The following USP45 variants were observed in gnomAD, a reference collection of about 807,000 sequenced individuals.
The protein encoded by USP45 is ubiquitin specific peptidase 45, also known as ubiquitin carboxyl-terminal hydrolase 45.
A neutral mutation model predicts 95.8 loss-of-function variants in USP45; 89 were observed. That is an observed-to-expected ratio of 0.93 (90% CI 0.78 to 1.11). The LOEUF (loss-of-function observed/expected upper bound fraction) is 1.11. Ranked by LOEUF, USP45 falls within the 50% of genes least tolerant of loss-of-function variation. USP45 has a pLI of 0.00. For synonymous variants in USP45, 281 were observed against 316.2 expected, an observed-to-expected ratio of 0.89 and a Z score of 1.18; for missense variants, 898 against 942.5, an observed-to-expected ratio of 0.95 and a Z score of 0.62.
At chr6:99,435,887 C>CTT in intron 17 of USP45, 41 bp from the exon 18 acceptor site, 1 of 1,561,106 alleles carries the variant, frequency 6.4e-7, no homozygotes, top group Non-Finnish European at 8.7e-7. Flanking sequence ...AGTAAGTATG[C>CTT]TTTAGGTTCT....
At chr6:99,500,709 T>C (rs1328498804) in intron 5 of USP45, among the ~76,000 whole-genome samples, 1 of 152,222 alleles carries the variant, frequency 6.6e-6, no homozygotes, top group Non-Finnish European at 1.5e-5. Flanking sequence ...CCAGTAGTGT[T>C]ACAAGTCTTT....
rs1780310619 is a variant in USP45, at chr6:99,435,514, C to T, written c.*202G>A. On this transcript the variant is annotated 3_prime_UTR_variant, in exon 18 of 18. Transcript: ENST00000500704. ...AATAAATACCTGGAAACAAAATTCACATTTATTTTAAGACTATGAATTTTA... is the reference window on the plus strand; with the variant it reads ...AATAAATACCTGGAAACAAAATTCATATTTATTTTAAGACTATGAATTTTA... 2.5e-6 allele frequency: 1 copy of T among 404,550 alleles called. No homozygotes were observed. Among genetic ancestry groups the T allele is most frequent in the Non-Finnish European group, 4.2e-6 (1 of 235,738 alleles). The allele number at this position is 404,550 out of a possible 1,614,324, so 25.1% of individuals were successfully genotyped here.
At chr6:99,480,871 T>A (rs774073404) in intron 8 of USP45, among the ~76,000 whole-genome samples, 150 of 152,190 alleles carry the variant, frequency 9.9e-4, no homozygotes, top group Middle Eastern at 3.4e-3. Flanking sequence ...TACTTGATTT[T>A]AAAAAAATAT....
intron 14 of USP45, among the ~76,000 whole-genome samples, chr6:99,445,285 C>G (rs1404152424): frequency 6.6e-6 from 1 of 152,048 alleles, no homozygotes; most frequent in Non-Finnish European, 1.5e-5. Flanking sequence ...GCATTCAAGA[C>G]CAGCCTGGCC....
intron 3 of USP45, among the ~76,000 whole-genome samples, chr6:99,508,293 A>AG (rs1798980916): frequency 6.6e-6 from 1 of 152,234 alleles, no homozygotes; most frequent in Non-Finnish European, 1.5e-5. Flanking sequence ...GTTTTGAGAG[A>AG]GAAAAAAATT....
intron 12 of USP45, 38 bp downstream of exon 12, chr6:99,465,042 C>A (rs1787577953): frequency 6.7e-7 from 1 of 1,487,036 alleles, no homozygotes; most frequent in Non-Finnish European, 9.2e-7. Flanking sequence ...ATTAAATGTT[C>A]TTCACCAAAG....
At chr6:99,473,649 G>A (rs1372468699) in intron 9 of USP45, among the ~76,000 whole-genome samples, 2 of 152,022 alleles carry the variant, frequency 1.3e-5, no homozygotes, top group Non-Finnish European at 2.9e-5. Flanking sequence ...CAGCTACTCG[G>A]GAGGCTGAGG....
In USP45 at chr6:99,437,394, T is replaced by C; in HGVS notation, c.2166A>G (p.Ala722=). 6.3e-7 allele frequency: 1 copy of C among 1,584,884 alleles called. No homozygotes were observed. The highest frequency in any genetic ancestry group is 8.5e-7 in the Non-Finnish European group (1 of 1,172,378). Residue 722 remains alanine, a synonymous_variant, in exon 17 of 18, where the codon GCA becomes GCG. Coordinates refer to ENST00000500704, the MANE Select transcript of USP45 (RefSeq NM_001346022.3). The part of the protein sequence containing the change: ...APFCSATCKN[A]SVGDKVLYGL... Reference sequence around the variant, plus strand: ...CGTAGAGAACTTTATCTCCCACACTTGCATTCTTTTAAACAAAGAAAAAAA... The same window carrying C: ...CGTAGAGAACTTTATCTCCCACACTCGCATTCTTTTAAACAAAGAAAAAAA...
chr6:99,478,948 G>A (rs1385036388), intron 8 of USP45, among the ~76,000 whole-genome samples: 2 of 151,016 alleles, frequency 1.3e-5, no homozygotes, highest in Non-Finnish European at 2.9e-5. Flanking sequence ...TAAAAAAAGA[G>A]TACACCCTGT....
intron 13 of USP45, among the ~76,000 whole-genome samples, chr6:99,452,544 T>A (rs1784122382): frequency 6.6e-6 from 1 of 152,116 alleles, no homozygotes; most frequent in Admixed American, 6.6e-5. Flanking sequence ...CTGGAGAGGA[T>A]GTGGAGAAAT....
chr6:99,500,512 T>C (rs1385159337), intron 5 of USP45, among the ~76,000 whole-genome samples: 2 of 152,036 alleles, frequency 1.3e-5, no homozygotes, highest in African/African-American at 4.8e-5. Context: ...TAAAATTGAA[T>C]GAAAATCAGA....
intron 14 of USP45, among the ~76,000 whole-genome samples, chr6:99,444,472 C>T (rs574692654): frequency 6.6e-6 from 1 of 152,088 alleles, no homozygotes; most frequent in African/African-American, 2.4e-5. Context: ...GGAGGGACAA[C>T]CCCTCCCAGG....
At position 99,471,196 on chromosome 6, in the gene USP45, TTCA is replaced by T. The variant is rs368786372; in HGVS notation, c.934-2581_934-2579del. On this transcript the variant is annotated intron_variant, in intron 9 of 17. Coordinates refer to ENST00000500704, the MANE Select transcript of USP45 (RefSeq NM_001346022.3). ...TGTTTAAAAGTCAATTAATAGGTAA[TTCA>T]TCAAGTTGAGGAAAATAAATGAGTT... 7.9e-3 allele frequency among the ~76,000 whole-genome samples: 1,201 copies of T among 152,322 alleles called. 16 individuals are homozygous for T. Among genetic ancestry groups the T allele is most frequent in the African/African-American group, 0.028 (1,151 of 41,578 alleles).
At chr6:99,487,821 C>A (rs1027009243) in intron 7 of USP45, among the ~76,000 whole-genome samples, 6 of 151,828 alleles carry the variant, frequency 4.0e-5, no homozygotes, top group South Asian at 2.1e-4. Flanking sequence ...CCTTTAGATG[C>A]TCACTATTAA....
chr6:99,517,262 C>A (rs1801172622), upstream of USP45, among the ~76,000 whole-genome samples: 1 of 151,948 alleles, frequency 6.6e-6, no homozygotes, highest in Admixed American at 6.6e-5. Context: ...GACATTATAA[C>A]AAAACATCAA....
At chr6:99,483,907 C>G (rs118119388) in intron 7 of USP45, among the ~76,000 whole-genome samples, 3,942 of 149,086 alleles carry the variant, frequency 0.026, 78 homozygotes, top group Middle Eastern at 0.06. Context: ...TTGTCCTATT[C>G]CTATATTCAT....
At chr6:99,493,091 C>A (rs147103202) in intron 5 of USP45, among the ~76,000 whole-genome samples, 1,659 of 151,966 alleles carry the variant, frequency 0.011, 13 homozygotes, top group Non-Finnish European at 0.016. Context: ...TGCAGTGGCA[C>A]GATCTTGGCA....
At chr6:99,468,115 T>A in intron 10 of USP45, 1 of 455,684 alleles carries the variant, frequency 2.2e-6, no homozygotes, top group Non-Finnish European at 4.4e-6. Flanking sequence ...CTCTCTTCAA[T>A]AAACGGTTTA....
In USP45 at chr6:99,503,750, C is replaced by A. The variant is rs2128787881; in HGVS notation, c.478+15G>T. 6.6e-7 allele frequency: 1 copy of A among 1,514,658 alleles called. No homozygotes were observed. The highest frequency in any genetic ancestry group is 1.2e-5 in the South Asian group (1 of 82,018). The allele number at this position is 1,514,658 out of a possible 1,614,324, so 93.8% of individuals were successfully genotyped here. On this transcript the variant is annotated intron_variant, in intron 5 of 17. Coordinates refer to ENST00000500704, the MANE Select transcript of USP45 (RefSeq NM_001346022.3). ...GTATTTTAACACAGATTCCTTTAGT[C>A]ATCGCTTAACTTACTTGTTTGTGTT...
Sources: allele counts gnomAD v4.1 joint callset (sites outside exome capture counted in the v4.1 genomes callset), GRCh38; gene constraint gnomAD v4.1.1; transcripts MANE v1.5; gene names NCBI Gene and HGNC (gene_info 2026-07-23, HGNC 2026-07-21).